TTLL5: variants seen among roughly 807,000 people sequenced by gnomAD.
The protein encoded by TTLL5 is tubulin tyrosine ligase like 5, also known as tubulin polyglutamylase TTLL5.
A neutral mutation model predicts 168.4 loss-of-function variants in TTLL5; 132 were observed. The ratio of observed to expected loss-of-function variants is 0.78; its 90% CI spans 0.68 to 0.91. The LOEUF is 0.91. Among genes scored for constraint, TTLL5 ranks in the 40% least tolerant of loss-of-function variants. The pLI is 0.00. For synonymous variants in TTLL5, 546 were observed against 558.6 expected, an observed-to-expected ratio of 0.98 and a Z score of 0.32; for missense variants, 1,545 against 1,581.5, an observed-to-expected ratio of 0.98 and a Z score of 0.39.
rs768715244 is a variant in TTLL5, at chr14:75,725,972, A to G, written c.1042+5269A>G. Among the ~76,000 whole-genome samples the G allele has an allele frequency of 5.0e-4, 76 of 152,162 alleles. 1 individual carries two copies. The highest frequency in any genetic ancestry group is 1.3e-3 in the East Asian group (7 of 5,186). On this transcript the variant is annotated intron_variant, in intron 12 of 31. Coordinates refer to ENST00000298832, the MANE Select transcript of TTLL5 (RefSeq NM_015072.5). ...AAAGACTTCCTCTTTAGCTTTTTCA[A>G]TTTGAATCCAAAGCCAAGGTAAAAA...
At chr14:75,801,752 A>G (rs1893336683) in intron 27 of TTLL5, among the ~76,000 whole-genome samples, 1 of 152,196 alleles carries the variant, frequency 6.6e-6, no homozygotes, top group Non-Finnish European at 1.5e-5. Flanking sequence ...ACATGTTATA[A>G]TGGTTTAGTA....
intron 22 of TTLL5, 89 bp downstream of exon 22, chr14:75,775,719 G>T (rs1247108355): frequency 1.3e-6 from 2 of 1,488,856 alleles, no homozygotes; most frequent in Non-Finnish European, 1.8e-6. Flanking sequence ...ACTGGATGGA[G>T]ACACTCTTCT....
intron 26 of TTLL5, among the ~76,000 whole-genome samples, chr14:75,787,006 G>A (rs1330515251): frequency 6.6e-6 from 1 of 151,996 alleles, no homozygotes; most frequent in Non-Finnish European, 1.5e-5. Context: ...GGTGGCGCTG[G>A]CCTGTAGTCC....
intron 22 of TTLL5, 23 bp downstream of exon 22, chr14:75,775,653 T>G (rs748427341): frequency 1.2e-6 from 2 of 1,613,294 alleles, no homozygotes; most frequent in South Asian, 2.2e-5. Context: ...CTGTTAGTCT[T>G]GTGCTTTGGA....
At chr14:75,666,733 C>G (rs1026259022) in intron 2 of TTLL5, among the ~76,000 whole-genome samples, 4 of 152,090 alleles carry the variant, frequency 2.6e-5, no homozygotes, top group Non-Finnish European at 5.9e-5. Context: ...AGCCTAGAAG[C>G]AAGAATGCAA....
intron 27 of TTLL5, among the ~76,000 whole-genome samples, chr14:75,818,692 G>A (rs1894646003): frequency 6.7e-6 from 1 of 149,910 alleles, no homozygotes; most frequent in Admixed American, 6.6e-5. Flanking sequence ...GTAGACATAG[G>A]GTTTCACCAT....
chr14:75,789,016 T>C (rs982936774), intron 26 of TTLL5, among the ~76,000 whole-genome samples: 1 of 152,160 alleles, frequency 6.6e-6, no homozygotes, highest in Non-Finnish European at 1.5e-5. Flanking sequence ...TCATGGTACA[T>C]GCAGAAAAAG....
chr14:75,705,456 G>A (rs1886585295), intron 7 of TTLL5, among the ~76,000 whole-genome samples: 1 of 152,212 alleles, frequency 6.6e-6, no homozygotes, highest in Admixed American at 6.5e-5. Flanking sequence ...AGAATATTGG[G>A]AAGAGGTAAG....
At chr14:75,858,313 CTG>C (rs1437561827) in intron 28 of TTLL5, among the ~76,000 whole-genome samples, 1 of 152,246 alleles carries the variant, frequency 6.6e-6, no homozygotes, top group Non-Finnish European at 1.5e-5. Context: ...GTAGAAGTCA[CTG>C]TATTCTTGAC....
intron 27 of TTLL5, among the ~76,000 whole-genome samples, chr14:75,814,081 A>G (rs984488841): frequency 3.3e-5 from 5 of 152,216 alleles, no homozygotes; most frequent in African/African-American, 1.2e-4. Flanking sequence ...TGAGCCACCT[A>G]CATGATATTT....
In TTLL5 at chr14:75,891,847, TTC is replaced by T. The variant is rs2032418987; in HGVS notation, c.3740+8947_3740+8948del. On this transcript the variant is annotated intron_variant, in intron 30 of 31. Transcript: ENST00000298832. The stretch of plus-strand genomic sequence containing the variant: ...AACTTTTCTAGAGATAGCACTAAGC[TTC>T]TGTTTCATTATCTATAAAATATCAC... Among the ~76,000 whole-genome samples, 3 of 152,216 alleles carry T rather than the reference TTC, an allele frequency of 2.0e-5. No homozygotes were observed. In the South Asian group the frequency reaches 6.2e-4, roughly 32 times the overall value.
chr14:75,751,865 A>G (rs1343427529), intron 17 of TTLL5, among the ~76,000 whole-genome samples: 6 of 152,228 alleles, frequency 3.9e-5, no homozygotes, highest in Non-Finnish European at 5.9e-5. Flanking sequence ...AAGGAATAAA[A>G]GAATGGCTGC....
intron 13 of TTLL5, among the ~76,000 whole-genome samples, chr14:75,732,636 T>C (rs1452160270): frequency 6.6e-6 from 1 of 152,234 alleles, no homozygotes. Flanking sequence ...TTTACAATTA[T>C]ATCATTCCTG....
At chr14:75,900,488 T>C (rs893201363) in intron 30 of TTLL5, among the ~76,000 whole-genome samples, 2 of 152,132 alleles carry the variant, frequency 1.3e-5, no homozygotes, top group South Asian at 4.1e-4. Context: ...TACTAGCCAA[T>C]GATGATATGA....
chr14:75,940,521 G>A lies in TTLL5; in HGVS notation c.3824-13903G>A, dbSNP rs559186170. On this transcript the variant is annotated intron_variant, in intron 31 of 31. Transcript: ENST00000298832. ...GATATACTCAAGTAGGTTATGCTTC[G>A]AAACTAGCATGGTAGATACATCATA... is the stretch of plus-strand genomic sequence containing the variant. Among the ~76,000 whole-genome samples, 25 of 152,158 alleles carry A rather than the reference G, an allele frequency of 1.6e-4. 1 individual carries two copies. The South Asian group carries it at 3.9e-3, about 24-fold the overall frequency.
intron 30 of TTLL5, among the ~76,000 whole-genome samples, chr14:75,897,420 A>G (rs904725877): frequency 6.6e-6 from 1 of 152,160 alleles, no homozygotes; most frequent in African/African-American, 2.4e-5. Flanking sequence ...TGGCTAAATT[A>G]ATCAGGCAGT....
At chr14:75,719,599 A>C (rs1887714141) in intron 10 of TTLL5, 136 bp from the exon 11 acceptor site, 1 of 648,312 alleles carries the variant, frequency 1.5e-6, no homozygotes, top group East Asian at 3.1e-5. Flanking sequence ...ACCAAGAAAA[A>C]ATGAGTAACT....
At chr14:75,729,499 T>G (rs1305911671) in intron 12 of TTLL5, among the ~76,000 whole-genome samples, 1 of 150,040 alleles carries the variant, frequency 6.7e-6, no homozygotes, top group Non-Finnish European at 1.5e-5. Flanking sequence ...GGACCCAAAT[T>G]ATTTTTCTTA....
chr14:75,666,675 A>G (rs943552835), intron 2 of TTLL5, among the ~76,000 whole-genome samples: 1 of 152,180 alleles, frequency 6.6e-6, no homozygotes, highest in Non-Finnish European at 1.5e-5. Context: ...GGGCTTAGAT[A>G]AACAGAAGTG....
Sources: allele counts gnomAD v4.1 joint callset (sites outside exome capture counted in the v4.1 genomes callset), GRCh38; gene constraint gnomAD v4.1.1; transcripts MANE v1.5; gene names NCBI Gene and HGNC (gene_info 2026-07-23, HGNC 2026-07-21).